PAK5: variants seen among roughly 807,000 people sequenced by gnomAD.
PAK5 encodes the protein p21 (RAC1) activated kinase 5.
Under a neutral mutation model 65.9 loss-of-function variants are expected in PAK5, and 16 were observed. The ratio of observed to expected loss-of-function variants is 0.24; its 90% CI spans 0.16 to 0.37. The LOEUF is 0.37. Ranked by LOEUF, PAK5 falls within the 10% of genes least tolerant of loss-of-function variation. The pLI is 1.00. For synonymous variants in PAK5, 371 were observed against 354.9 expected, an observed-to-expected ratio of 1.05 and a Z score of -0.51; for missense variants, 785 against 903.9, an observed-to-expected ratio of 0.87 and a Z score of 1.69.
chr20:9,753,451 T>C (rs1268137410), intron 1 of PAK5, among the ~76,000 whole-genome samples: 3 of 152,170 alleles, frequency 2.0e-5, no homozygotes, highest in Non-Finnish European at 4.4e-5. Flanking sequence ...ATTCCTATTC[T>C]TTAAGCTTCA....
intron 1 of PAK5, among the ~76,000 whole-genome samples, chr20:9,734,607 A>G (rs2048369582): frequency 6.6e-6 from 1 of 151,682 alleles, no homozygotes; most frequent in South Asian, 2.1e-4. Context: ...AGTCAGAGAA[A>G]AACCCCAGGA....
intron 2 of PAK5, among the ~76,000 whole-genome samples, chr20:9,656,755 G>A (rs888727353): frequency 2.0e-5 from 3 of 152,088 alleles, no homozygotes; most frequent in African/African-American, 7.2e-5. Context: ...TACTTGTTAA[G>A]CACATAAAAT....
At chr20:9,756,800 A>G (rs1472974937) in intron 1 of PAK5, among the ~76,000 whole-genome samples, 1 of 152,144 alleles carries the variant, frequency 6.6e-6, no homozygotes, top group Non-Finnish European at 1.5e-5. Context: ...TCCTCTCTCT[A>G]CACAGCAAAG....
At chr20:9,558,941 T>C (rs183559623) in intron 6 of PAK5, among the ~76,000 whole-genome samples, 1 of 152,194 alleles carries the variant, frequency 6.6e-6, no homozygotes, top group African/African-American at 2.4e-5. Context: ...AGCTAAGAAA[T>C]GGCCAGGTCA....
rs2122996807 is a variant in PAK5 at position 9,566,123 on chromosome 20, A to T, written c.1252T>A (p.Ser418Thr). ...SSTYPPPSWG[S>T]SSDQQPSRVS... Reference sequence around the variant, plus strand: ...CTGGAGGGCTGCTGGTCGGAGGAGGAGCCCCAGCTGGGCGGCGGGTAGGTG... The same window carrying T: ...CTGGAGGGCTGCTGGTCGGAGGAGGTGCCCCAGCTGGGCGGCGGGTAGGTG... The change falls in exon 5 of 10, where the codon TCC becomes ACC. Residue 418 changes from serine to threonine, a missense_variant. Coordinates refer to ENST00000353224, the MANE Select transcript of PAK5 (RefSeq NM_177990.4). 6.2e-7 allele frequency: 1 copy of T among 1,613,754 alleles called. No individual in the cohort carries two copies. The highest frequency in any genetic ancestry group is 8.5e-7 in the Non-Finnish European group (1 of 1,179,876).
intron 2 of PAK5, among the ~76,000 whole-genome samples, chr20:9,708,820 T>G (rs1034076283): frequency 2.0e-5 from 3 of 152,160 alleles, no homozygotes; most frequent in African/African-American, 7.2e-5. Context: ...TTCCATGCCC[T>G]TGATTGGGAT....
intron 1 of PAK5, among the ~76,000 whole-genome samples, chr20:9,828,058 A>C (rs545697102): frequency 6.6e-6 from 1 of 152,066 alleles, no homozygotes; most frequent in South Asian, 2.1e-4. Context: ...CTGGTCTCGA[A>C]CTCTTGACCC....
intron 3 of PAK5, among the ~76,000 whole-genome samples, chr20:9,618,937 T>TG (rs2046720060): frequency 8.1e-6 from 1 of 123,654 alleles, no homozygotes; most frequent in Non-Finnish European, 1.7e-5. Context: ...TTTTTTTTTT[T>TG]TTTTTTTTTT....
intron 4 of PAK5, among the ~76,000 whole-genome samples, chr20:9,568,769 C>G (rs892145218): frequency 5.3e-5 from 8 of 152,160 alleles, no homozygotes; most frequent in Non-Finnish European, 7.4e-5. Flanking sequence ...GAGCTCAAGG[C>G]TGCAGTGAGC....
At chr20:9,728,153 C>T (rs2048297024) in intron 1 of PAK5, among the ~76,000 whole-genome samples, 1 of 152,078 alleles carries the variant, frequency 6.6e-6, no homozygotes, top group Admixed American at 6.5e-5. Flanking sequence ...ATAAAAGAGG[C>T]TTCAGAGAGC....
intron 3 of PAK5, among the ~76,000 whole-genome samples, chr20:9,582,494 C>T (rs916900876): frequency 6.6e-5 from 10 of 152,052 alleles, no homozygotes; most frequent in South Asian, 6.2e-4. Flanking sequence ...GGGTACATAT[C>T]GTCGACACGA....
rs575911564 is a variant in PAK5, at chr20:9,747,607, C to T, written c.-161-36172G>A. On this transcript the variant is annotated intron_variant, in intron 1 of 9. Transcript: ENST00000353224. ...AACCACATGATTATCTCAATAGATG[C>T]AGAAAAGGCCTTTGACAAAATTCAA... Among the ~76,000 whole-genome samples, 63 of 151,822 alleles carry T rather than the reference C, an allele frequency of 4.1e-4. 1 individual carries two copies. The East Asian group carries it at 8.5e-3, about 21-fold the overall frequency.
intron 1 of PAK5, among the ~76,000 whole-genome samples, chr20:9,779,780 T>C (rs2048922942): frequency 6.6e-6 from 1 of 152,090 alleles, no homozygotes; most frequent in East Asian, 1.9e-4. Context: ...GAAGATTTTC[T>C]ACTAAAGGCC....
chr20:9,628,448 A>AT, intron 3 of PAK5, among the ~76,000 whole-genome samples: 1 of 152,362 alleles, frequency 6.6e-6, no homozygotes, highest in South Asian at 2.1e-4. Context: ...ATACTCTTCC[A>AT]TAAAATCCAA....
At chr20:9,730,685 T>C (rs1490777809) in intron 1 of PAK5, among the ~76,000 whole-genome samples, 1 of 152,198 alleles carries the variant, frequency 6.6e-6, no homozygotes, top group African/African-American at 2.4e-5. Flanking sequence ...CTCCTGTGGA[T>C]TGAAGGCATA....
chr20:9,752,110 CAG>C (rs2048583871), intron 1 of PAK5, among the ~76,000 whole-genome samples: 1 of 152,080 alleles, frequency 6.6e-6, no homozygotes, highest in African/African-American at 2.4e-5. Flanking sequence ...GGAAAGTAAT[CAG>C]GGGAGTCCTG....
chr20:9,547,338 G>A (rs752615519), intron 7 of PAK5, among the ~76,000 whole-genome samples: 3 of 152,132 alleles, frequency 2.0e-5, no homozygotes, highest in Non-Finnish European at 2.9e-5. Context: ...CACTCAATTG[G>A]TAGCAATTTG....
At chr20:9,618,784 C>CAT (rs2046710381) in intron 3 of PAK5, among the ~76,000 whole-genome samples, 2 of 151,604 alleles carry the variant, frequency 1.3e-5, no homozygotes, top group Non-Finnish European at 2.9e-5. Flanking sequence ...TAAGTACAAG[C>CAT]AACTTAAGGA....
intron 1 of PAK5, among the ~76,000 whole-genome samples, chr20:9,807,719 A>G (rs1458578698): frequency 6.6e-6 from 1 of 150,684 alleles, no homozygotes; most frequent in Non-Finnish European, 1.5e-5. Context: ...GTTTTGGTCA[A>G]TGCAAAGTGG....
Sources: allele counts gnomAD v4.1 joint callset (sites outside exome capture counted in the v4.1 genomes callset), GRCh38; gene constraint gnomAD v4.1.1; transcripts MANE v1.5; gene names NCBI Gene and HGNC (gene_info 2026-07-23, HGNC 2026-07-21).